The following ST3GAL3 variants were observed in gnomAD, a reference collection of about 807,000 sequenced individuals.
ST3GAL3 encodes CMP-N-acetylneuraminate-beta-1,4-galactoside alpha-2,3-sialyltransferase.
ST3GAL3 carries 21 observed loss-of-function variants against 50.1 expected under a neutral mutation model. The observed-to-expected ratio is 0.42, with a 90% CI of 0.30 to 0.60. The LOEUF (loss-of-function observed/expected upper bound fraction) is 0.60, where lower values mean the gene tolerates loss of function less well. Ranked by LOEUF, ST3GAL3 falls within the 20% of genes least tolerant of loss-of-function variation. The probability of loss-of-function intolerance (pLI) is 0.19; values close to 1 mark genes in which losing one functional copy is unlikely to be tolerated. For synonymous variants in ST3GAL3, 183 were observed against 190.0 expected, an observed-to-expected ratio of 0.96 and a Z score of 0.30; for missense variants, 353 against 489.4, an observed-to-expected ratio of 0.72 and a Z score of 2.63.
intron 9 of ST3GAL3, among the ~76,000 whole-genome samples, chr1:43,917,683 A>T (rs374423380): frequency 2.0e-5 from 2 of 97,980 alleles, no homozygotes; most frequent in African/African-American, 3.7e-5. Flanking sequence ...ATATATATAT[A>T]TTTTAAACAG....
intron 4 of ST3GAL3, among the ~76,000 whole-genome samples, chr1:43,827,227 G>A (rs1446572124): frequency 6.6e-6 from 1 of 152,144 alleles, no homozygotes; most frequent in African/African-American, 2.4e-5. Context: ...AGCAATTAAG[G>A]CAAGTTTTCA....
Position 43,850,642 on chromosome 1 carries a change from C to G in ST3GAL3, c.302+12331C>G. 4.0e-6 allele frequency: 3 copies of G among 752,342 alleles called. No individual in the cohort carries two copies. The South Asian group carries it at 4.3e-5, about 11-fold the overall frequency. The allele number at this position is 752,342 out of a possible 1,614,324, so 46.6% of individuals were successfully genotyped here. On this transcript the variant is annotated intron_variant, in intron 5 of 11. Coordinates refer to ENST00000347631, the MANE Select transcript of ST3GAL3 (RefSeq NM_006279.5). Reference sequence around the variant, plus strand: ...AGGACCTTCTCAGCCCTTCTGCCATCTGTGCCTTTGATTGAATGGAGATCC... The same window carrying G: ...AGGACCTTCTCAGCCCTTCTGCCATGTGTGCCTTTGATTGAATGGAGATCC...
intron 1 of ST3GAL3, among the ~76,000 whole-genome samples, chr1:43,729,419 A>C (rs948781871): frequency 1.3e-5 from 2 of 152,122 alleles, no homozygotes; most frequent in Non-Finnish European, 1.5e-5. Context: ...AATACCTCCA[A>C]TTTCAATACA....
intron 3 of ST3GAL3, among the ~76,000 whole-genome samples, chr1:43,809,249 A>G (rs2060254705): frequency 6.6e-6 from 1 of 152,242 alleles, no homozygotes; most frequent in South Asian, 2.1e-4. Context: ...GCATGAGAAT[A>G]TTAAGGAAAG....
chr1:43,763,698 T>C (rs956962742), intron 2 of ST3GAL3, among the ~76,000 whole-genome samples: 2 of 152,052 alleles, frequency 1.3e-5, no homozygotes, highest in African/African-American at 4.8e-5. Context: ...CTGCATGGAG[T>C]AGTTCTTCAA....
chr1:43,731,387 T>A (rs1675727798), intron 1 of ST3GAL3, among the ~76,000 whole-genome samples: 1 of 133,178 alleles, frequency 7.5e-6, no homozygotes. Flanking sequence ...AATTTTTTTT[T>A]TTTTTTTTTT....
At position 43,814,910 on chromosome 1, in the gene ST3GAL3, C is replaced by T; in HGVS notation, c.186C>T (p.Phe62=). ...TLGSEYDRLG[F]LLNLDSKLPA... is the part of the protein sequence containing the mutation. ...TTTCAGAGTATGATCGGTTGGGCTT[C>T]CTCCTGAATCTGGACTCTAAACTGT... Residue 62 remains phenylalanine (F), a synonymous_variant, in exon 4 of 12, where the codon TTC becomes TTT. Coordinates refer to ENST00000347631, the MANE Select transcript of ST3GAL3 (RefSeq NM_006279.5). The T allele has an allele frequency of 6.2e-7, 1 of 1,614,128 alleles. No individual in the cohort carries two copies. Among genetic ancestry groups the T allele is most frequent in the Non-Finnish European group, 8.5e-7 (1 of 1,180,008 alleles).
chr1:43,800,644 T>G (rs1001261634), intron 3 of ST3GAL3, among the ~76,000 whole-genome samples: 6 of 152,200 alleles, frequency 3.9e-5, no homozygotes, highest in African/African-American at 1.4e-4. Context: ...TGGGGGATCT[T>G]GAACATATCT....
At chr1:43,908,749 C>T (rs896064835) in intron 9 of ST3GAL3, among the ~76,000 whole-genome samples, 2 of 151,896 alleles carry the variant, frequency 1.3e-5, no homozygotes, top group African/African-American at 2.4e-5. Context: ...CTCCTGCCTC[C>T]GCCTCCCAAG....
At chr1:43,821,514 C>T (rs641356) in intron 4 of ST3GAL3, among the ~76,000 whole-genome samples, 134,910 of 152,188 alleles carry the variant, frequency 0.89, 59,934 homozygotes, top group East Asian at 0.92. Flanking sequence ...GAATGTGGAC[C>T]GTGCCAGGGG....
chr1:43,803,960 A>G (rs1277295107), intron 3 of ST3GAL3, among the ~76,000 whole-genome samples: 1 of 152,218 alleles, frequency 6.6e-6, no homozygotes, highest in Non-Finnish European at 1.5e-5. Flanking sequence ...CTAAGCCATC[A>G]GACTAAACAC....
chr1:43,747,132 G>A (rs1339327196), intron 2 of ST3GAL3, among the ~76,000 whole-genome samples: 3 of 152,036 alleles, frequency 2.0e-5, no homozygotes, highest in Non-Finnish European at 4.4e-5. Context: ...AAATGAGGCC[G>A]GGCACAGTGG....
chr1:43,856,123 C>T (rs1053458958), intron 5 of ST3GAL3, among the ~76,000 whole-genome samples: 1 of 152,222 alleles, frequency 6.6e-6, no homozygotes, highest in Non-Finnish European at 1.5e-5. Flanking sequence ...TCAAAAGCCA[C>T]AGTGGGTCAC....
At chr1:43,733,194 TCTC>T (rs1334265771) in intron 1 of ST3GAL3, among the ~76,000 whole-genome samples, 2 of 152,104 alleles carry the variant, frequency 1.3e-5, no homozygotes, top group Non-Finnish European at 2.9e-5. Context: ...GGGGGTCTCA[TCTC>T]ATCATCTTGC....
intron 2 of ST3GAL3, among the ~76,000 whole-genome samples, chr1:43,756,871 G>GA (rs1168648509): frequency 2.0e-5 from 3 of 152,126 alleles, no homozygotes; most frequent in Non-Finnish European, 1.5e-5. Context: ...TCATGGGTCA[G>GA]AAGACCTATT....
At chr1:43,926,190 A>G (rs894389063) in intron 11 of ST3GAL3, among the ~76,000 whole-genome samples, 3 of 152,212 alleles carry the variant, frequency 2.0e-5, no homozygotes, top group Non-Finnish European at 2.9e-5. Context: ...TTCTTCAGAT[A>G]TAAGGATGAG....
At chr1:43,917,468 TATATAATATATATA>T (rs1397505012) in intron 9 of ST3GAL3, among the ~76,000 whole-genome samples, 2 of 84,644 alleles carry the variant, frequency 2.4e-5, no homozygotes, top group Non-Finnish European at 4.4e-5. Flanking sequence ...ATATATATAA[TATATAATATATATA>T]ATATATAATA....
intron 9 of ST3GAL3, among the ~76,000 whole-genome samples, chr1:43,904,902 T>G (rs111162312): frequency 3.1e-4 from 9 of 28,852 alleles, no homozygotes; most frequent in Non-Finnish European, 3.6e-4. Context: ...TTCCTCCCCC[T>G]CCTCCTGCTC....
chr1:43,810,266 C>T lies in ST3GAL3; in HGVS notation c.167-4625C>T, dbSNP rs191219713. Among the ~76,000 whole-genome samples the T allele has an allele frequency of 2.0e-3, 312 of 152,256 alleles. 1 individual carries two copies. Among genetic ancestry groups the T allele is most frequent in the African/African-American group, 7.2e-3 (301 of 41,546 alleles). Reference sequence around the variant, plus strand: ...TGATGAAAATCGCAGCAAAGTATGTCATAAGCACCCCCCTCTCATTCCCAC... The same window carrying T: ...TGATGAAAATCGCAGCAAAGTATGTTATAAGCACCCCCCTCTCATTCCCAC... On this transcript the variant is annotated intron_variant, in intron 3 of 11. Coordinates refer to ENST00000347631, the MANE Select transcript of ST3GAL3 (RefSeq NM_006279.5).
Sources: allele counts gnomAD v4.1 joint callset (sites outside exome capture counted in the v4.1 genomes callset), GRCh38; gene constraint gnomAD v4.1.1; transcripts MANE v1.5; gene names NCBI Gene and HGNC (gene_info 2026-07-23, HGNC 2026-07-21).